The following TIMM17B variants were observed in gnomAD, a reference collection of about 807,000 sequenced individuals.
TIMM17B encodes the protein mitochondrial import inner membrane translocase subunit Tim17-B.
A neutral mutation model predicts 15.9 loss-of-function variants in TIMM17B; 10 were observed. The ratio of observed to expected loss-of-function variants is 0.63; its 90% CI spans 0.39 to 1.06. The LOEUF (loss-of-function observed/expected upper bound fraction) is 1.06, where lower values mean the gene tolerates loss of function less well. Among genes scored for constraint, TIMM17B ranks in the 50% least tolerant of loss-of-function variants. TIMM17B has a pLI of 0.01. For synonymous variants in TIMM17B, 57 were observed against 57.2 expected (o/e 1.00, Z 0.02); for missense variants, 114 against 152.2 (o/e 0.75, Z 1.32).
chrX:48,895,463 A>G, intron 3 of TIMM17B: 5 of 516,102 alleles, frequency 9.7e-6, no homozygotes, highest in Non-Finnish European at 1.7e-5. Context: ...ATCTTGAGCA[A>G]GAGTAGATAA....
intron 3 of TIMM17B, chrX:48,896,471 ACTGT>A (rs2063313846): frequency 1.2e-5 from 4 of 334,860 alleles, no homozygotes; most frequent in East Asian, 1.2e-4. Context: ...AAAAAAAAAA[ACTGT>A]CTGGCTTTGC....
chrX:48,897,920 G>A (rs782062693), intron 1 of TIMM17B, 152 bp from the exon 1 acceptor site: 2 of 894,141 alleles, frequency 2.2e-6, no homozygotes, highest in South Asian at 5.0e-5. Flanking sequence ...ATTGCCTCCT[G>A]AGCGTAGTCC....
At chrX:48,895,046 T>G in exon 4 of TIMM17B, 3 of 1,199,284 alleles carry the variant, frequency 2.5e-6, no homozygotes, top group Non-Finnish European at 3.4e-6. Context: ...ACCTCCAATC[T>G]GGGGGGCTCG....
chrX:48,894,324 G>C, intron 4 of TIMM17B, 99 bp from the exon 4 acceptor site: 1 of 912,268 alleles, frequency 1.1e-6, no homozygotes, highest in Non-Finnish European at 1.5e-6. Context: ...AGAACAGGGA[G>C]AAAAACCCAG....
At chrX:48,896,810 G>A (rs782029212) in exon 3 of TIMM17B, 1 of 1,210,557 alleles carries the variant, frequency 8.3e-7, no homozygotes, top group Non-Finnish European at 1.1e-6. Flanking sequence ...CGCCACCGAT[G>A]ACACCCATAG....
chrX:48,897,179 G>A (rs1858097353), intron 2 of TIMM17B: 1 of 332,151 alleles, frequency 3.0e-6, no homozygotes, highest in East Asian at 6.1e-5. Context: ...CGACATAGGC[G>A]TGTTAACTAG....
At chrX:48,893,524 A>G in exon 7 of TIMM17B, 3 of 379,813 alleles carry the variant, frequency 7.9e-6, no homozygotes, top group Non-Finnish European at 1.4e-5. Flanking sequence ...CGTACATGTG[A>G]GTGTGGGGCT....
intron 1 of TIMM17B, 184 bp from the exon 1 acceptor site, chrX:48,897,952 G>A (rs782508756): frequency 3.4e-6 from 3 of 880,092 alleles, no homozygotes; most frequent in Non-Finnish European, 3.1e-6. Flanking sequence ...GGCTCGGGGA[G>A]TGAAGGCCTC....
chrX:48,897,097 G>T, intron 2 of TIMM17B: 1 of 669,929 alleles, frequency 1.5e-6, no homozygotes, highest in Non-Finnish European at 2.1e-6. Flanking sequence ...ACCAACCAAG[G>T]AATCAGCCAA....
chrX:48,893,926 C>T (rs890650893), exon 6 of TIMM17B: 21 of 1,210,158 alleles, frequency 1.7e-5, no homozygotes, highest in Non-Finnish European at 2.1e-5. Context: ...GGCTGTGTAG[C>T]GAGTGAGGAG....
chrX:48,894,724 A>G (rs782176952), intron 4 of TIMM17B, among the ~76,000 whole-genome samples: 19 of 111,890 alleles, frequency 1.7e-4, no homozygotes, highest in Non-Finnish European at 2.8e-4. Context: ...ACTTAGTAGT[A>G]TGTAAATTAC....
At chrX:48,897,120 G>T in intron 2 of TIMM17B, 1 of 544,586 alleles carries the variant, frequency 1.8e-6, no homozygotes, top group East Asian at 4.2e-5. Flanking sequence ...GTTTTACTGT[G>T]ATCAAAGATT....
At chrX:48,897,191 C>T in intron 2 of TIMM17B, 1 of 295,310 alleles carries the variant, frequency 3.4e-6, no homozygotes, top group Non-Finnish European at 5.8e-6. Context: ...GTTAACTAGC[C>T]AAGACAGACT....
chrX:48,894,061 T>C, intron 5 of TIMM17B, 36 bp downstream of exon 4: 1 of 1,193,991 alleles, frequency 8.4e-7, no homozygotes, highest in Admixed American at 2.3e-5. Flanking sequence ...CAGAACAGGG[T>C]GGAAGGGGCT....
chrX:48,897,803 C>G, exon 2 of TIMM17B: 1 of 1,195,492 alleles, frequency 8.4e-7, no homozygotes, highest in Non-Finnish European at 1.1e-6. Context: ...AGACGCACAC[C>G]GGCGTCGGAG....
At chrX:48,897,009 T>C (rs2063319735) in intron 2 of TIMM17B, 151 bp from the exon 2 acceptor site, 1 of 1,071,467 alleles carries the variant, frequency 9.3e-7, no homozygotes, top group Non-Finnish European at 1.2e-6. Context: ...GCTAGTTCTG[T>C]CACGCTTTTT....
At chrX:48,893,917 G>A (rs1254015745) in exon 6 of TIMM17B, 1 of 1,207,558 alleles carries the variant, frequency 8.3e-7, no homozygotes. Context: ...GAACTGCTGG[G>A]CTGTGTAGCG....
intron 3 of TIMM17B, chrX:48,896,555 T>TG: frequency 7.5e-6 from 6 of 800,728 alleles, no homozygotes; most frequent in Non-Finnish European, 1.0e-5. Flanking sequence ...TCCAGTTGGG[T>TG]GGGGTGGAGG....
intron 4 of TIMM17B, among the ~76,000 whole-genome samples, chrX:48,894,546 T>C (rs1039184961): frequency 1.8e-5 from 2 of 111,888 alleles, no homozygotes; most frequent in African/African-American, 3.2e-5. Context: ...GAATTCTGAT[T>C]TGGGTTTCAG....
Sources: allele counts gnomAD v4.1 joint callset (sites outside exome capture counted in the v4.1 genomes callset), GRCh38; gene constraint gnomAD v4.1.1; transcripts MANE v1.5; gene names NCBI Gene and HGNC (gene_info 2026-07-23, HGNC 2026-07-21).